Variants in CMTM8 observed in about 807,000 individuals in gnomAD.
The protein encoded by CMTM8 is CKLF-like MARVEL transmembrane domain-containing protein 8.
Under a neutral mutation model 18.6 loss-of-function variants are expected in CMTM8, and 12 were observed. The ratio of observed to expected loss-of-function variants is 0.65; its 90% CI spans 0.41 to 1.05. The LOEUF (loss-of-function observed/expected upper bound fraction) is 1.05, where lower values mean the gene tolerates loss of function less well. Ranked by LOEUF, CMTM8 falls within the 50% of genes least tolerant of loss-of-function variation. The probability of loss-of-function intolerance (pLI) is 0.00; values close to 1 mark genes in which losing one functional copy is unlikely to be tolerated. For synonymous variants in CMTM8, 87 were observed against 90.6 expected (o/e 0.96, Z 0.23); for missense variants, 217 against 227.2 (o/e 0.95, Z 0.29).
chr3:32,321,845 C>T (rs938766711), intron 1 of CMTM8, among the ~76,000 whole-genome samples: 22 of 152,202 alleles, frequency 1.4e-4, no homozygotes, highest in Admixed American at 1.4e-3. Context: ...GTAATCCACC[C>T]GCCTTGGCCT....
intron 1 of CMTM8, among the ~76,000 whole-genome samples, chr3:32,266,289 G>T (rs1227570469): frequency 6.6e-6 from 1 of 152,162 alleles, no homozygotes; most frequent in Non-Finnish European, 1.5e-5. Flanking sequence ...GGGATGCAAG[G>T]CTGGTTCAAC....
At chr3:32,362,989 A>G (rs557331501) in intron 2 of CMTM8, among the ~76,000 whole-genome samples, 1 of 152,062 alleles carries the variant, frequency 6.6e-6, no homozygotes, top group South Asian at 2.1e-4. Flanking sequence ...TCTGGCCTCT[A>G]GCTGATACAA....
chr3:32,335,605 G>C lies in CMTM8; in HGVS notation c.148-21768G>C, dbSNP rs1029601426. 3.3e-5 allele frequency among the ~76,000 whole-genome samples: 5 copies of C among 152,216 alleles called. No individual in the cohort carries two copies. In the East Asian group the frequency reaches 9.6e-4, roughly 29 times the overall value. The stretch of plus-strand genomic sequence containing the variant: ...ATTGGACCCTACTGATCCTGGTGCA[G>C]CTTGCAGCTGTGGGGGCAAAGGCTA... On this transcript the variant is annotated intron_variant, in intron 1 of 3. Transcript: ENST00000307526.
intron 1 of CMTM8, among the ~76,000 whole-genome samples, chr3:32,302,540 C>T (rs529496320): frequency 3.8e-4 from 58 of 152,182 alleles, no homozygotes; most frequent in African/African-American, 1.4e-3. Flanking sequence ...GGCGATTGGC[C>T]CCCTGACAAA....
At chr3:32,277,002 G>A (rs904959617) in intron 1 of CMTM8, among the ~76,000 whole-genome samples, 1 of 151,136 alleles carries the variant, frequency 6.6e-6, no homozygotes, top group Admixed American at 6.6e-5. Flanking sequence ...CTCTTGCCTC[G>A]ACCTCCCAAT....
chr3:32,303,119 G>T (rs1427432365), intron 1 of CMTM8, among the ~76,000 whole-genome samples: 1 of 152,178 alleles, frequency 6.6e-6, no homozygotes. Flanking sequence ...AGGCGTCTAG[G>T]ATCCAAAACA....
intron 2 of CMTM8, among the ~76,000 whole-genome samples, chr3:32,359,256 A>G (rs1434990013): frequency 1.3e-5 from 2 of 152,236 alleles, no homozygotes; most frequent in Non-Finnish European, 2.9e-5. Context: ...GAGAAGCCAT[A>G]GGCAATTTGT....
intron 1 of CMTM8, 50 bp downstream of exon 1, chr3:32,239,169 G>T: frequency 6.5e-7 from 1 of 1,542,730 alleles, no homozygotes; most frequent in South Asian, 1.2e-5. Flanking sequence ...GGACCCCGGC[G>T]CGTGCTTCCG....
chr3:32,280,529 T>C (rs1166899300), intron 1 of CMTM8, among the ~76,000 whole-genome samples: 1 of 152,148 alleles, frequency 6.6e-6, no homozygotes, highest in Non-Finnish European at 1.5e-5. Context: ...TGTAACCAAG[T>C]AACCAGTGAG....
intron 1 of CMTM8, among the ~76,000 whole-genome samples, chr3:32,273,511 G>T (rs529968868): frequency 6.6e-6 from 1 of 152,246 alleles, no homozygotes; most frequent in East Asian, 1.9e-4. Context: ...GCAATAAAAA[G>T]AAATAAAATA....
intron 1 of CMTM8, among the ~76,000 whole-genome samples, chr3:32,264,533 A>G (rs958394334): frequency 3.3e-5 from 5 of 152,224 alleles, no homozygotes; most frequent in African/African-American, 1.2e-4. Flanking sequence ...CTAGGAAGAA[A>G]CTGCATCAAG....
chr3:32,264,679 C>T (rs912629877), intron 1 of CMTM8, among the ~76,000 whole-genome samples: 2 of 152,078 alleles, frequency 1.3e-5, no homozygotes, highest in Non-Finnish European at 2.9e-5. Context: ...GAGTCAAGAC[C>T]CATCAGTGTG....
chr3:32,307,341 T>TA (rs369866228), intron 1 of CMTM8, among the ~76,000 whole-genome samples: 17 of 150,486 alleles, frequency 1.1e-4, no homozygotes, highest in African/African-American at 2.9e-4. Context: ...AACTCCATCT[T>TA]AAAAAAAAAG....
At chr3:32,369,526 C>T (rs528357408) in intron 3 of CMTM8, among the ~76,000 whole-genome samples, 1 of 152,230 alleles carries the variant, frequency 6.6e-6, no homozygotes, top group African/African-American at 2.4e-5. Context: ...CCACTCGACT[C>T]ATTTATGTGA....
At chr3:32,316,398 TA>T (rs951099991) in intron 1 of CMTM8, among the ~76,000 whole-genome samples, 2 of 151,494 alleles carry the variant, frequency 1.3e-5, no homozygotes, top group East Asian at 1.9e-4. Context: ...GCCATTGTCT[TA>T]AAAAAAAAGT....
At chr3:32,285,344 A>G (rs12630485) in intron 1 of CMTM8, among the ~76,000 whole-genome samples, 115,583 of 151,708 alleles carry the variant, frequency 0.76, 44,225 homozygotes, top group East Asian at 0.9. Context: ...GTGAAACCCC[A>G]TCTCTACTAA....
At chr3:32,348,525 G>C (rs912688181) in intron 1 of CMTM8, among the ~76,000 whole-genome samples, 1 of 22,458 alleles carries the variant, frequency 4.5e-5, no homozygotes, top group Non-Finnish European at 1.1e-4. Context: ...CTCTCTTCCT[G>C]GAACTTTTTT....
chr3:32,318,595 C>G lies in CMTM8; in HGVS notation c.148-38778C>G, dbSNP rs569062045. Among the ~76,000 whole-genome samples the G allele has an allele frequency of 3.6e-4, 49 of 135,356 alleles. 1 individual carries two copies. Among genetic ancestry groups the G allele is most frequent in the African/African-American group, 1.3e-3 (47 of 36,242 alleles). The allele number at this position is 135,356 out of a possible 152,430, so 88.8% of individuals were successfully genotyped here. On this transcript the variant is annotated intron_variant, in intron 1 of 3. Coordinates refer to ENST00000307526, the MANE Select transcript of CMTM8 (RefSeq NM_178868.5). ...TTTTTTTTTTTTTTTGAGACAGAGT[C>G]TCACTCTGTCACCCAGCCTGGAGTG... is the stretch of plus-strand genomic sequence containing the variant.
intron 1 of CMTM8, among the ~76,000 whole-genome samples, chr3:32,336,133 A>C (rs560011925): frequency 6.6e-6 from 1 of 152,234 alleles, no homozygotes; most frequent in Non-Finnish European, 1.5e-5. Flanking sequence ...TTTGAGATTG[A>C]CATTAAAGAG....
Sources: allele counts gnomAD v4.1 joint callset (sites outside exome capture counted in the v4.1 genomes callset), GRCh38; gene constraint gnomAD v4.1.1; transcripts MANE v1.5; gene names NCBI Gene and HGNC (gene_info 2026-07-23, HGNC 2026-07-21).